The following EPHA6 variants were observed in gnomAD, a reference collection of about 807,000 sequenced individuals.
EPHA6 encodes ephrin type-A receptor 6.
In EPHA6, 50 loss-of-function variants were observed where a neutral mutation model predicts 112.0. The ratio of observed to expected loss-of-function variants is 0.45; its 90% CI spans 0.36 to 0.56. EPHA6 has a LOEUF of 0.56. Ranked by LOEUF, EPHA6 falls within the 20% of genes least tolerant of loss-of-function variation. The pLI, the probability that EPHA6 is intolerant of heterozygous loss-of-function variation, is 0.00. For missense variants in EPHA6, 1,280 were observed against 1,417.4 expected (o/e 0.90, Z 1.56); for synonymous variants, 529 against 490.7 (o/e 1.08, Z -1.03).
At chr3:97,050,785 A>G (rs1310239886) in intron 3 of EPHA6, among the ~76,000 whole-genome samples, 1 of 152,170 alleles carries the variant, frequency 6.6e-6, no homozygotes, top group Non-Finnish European at 1.5e-5. Flanking sequence ...AGGAGAAACT[A>G]AATAATTGCT....
At chr3:97,638,211 A>G in intron 14 of EPHA6, 129 bp downstream of exon 14, 2 of 684,070 alleles carry the variant, frequency 2.9e-6, no homozygotes, top group Non-Finnish European at 4.8e-6. Flanking sequence ...TGATATCATT[A>G]TTTAATTGAG....
At chr3:96,969,644 G>A (rs1295723077) in intron 2 of EPHA6, among the ~76,000 whole-genome samples, 6 of 151,922 alleles carry the variant, frequency 3.9e-5, no homozygotes, top group Non-Finnish European at 7.4e-5. Flanking sequence ...TTATTTCCAT[G>A]TTGCATATCT....
chr3:97,077,775 T>C (rs1327660468), intron 3 of EPHA6, among the ~76,000 whole-genome samples: 1 of 152,162 alleles, frequency 6.6e-6, no homozygotes, highest in Non-Finnish European at 1.5e-5. Context: ...TGCCACATTT[T>C]CTTAATCCAG....
At chr3:97,208,909 G>C (rs1314785876) in intron 3 of EPHA6, among the ~76,000 whole-genome samples, 1 of 152,104 alleles carries the variant, frequency 6.6e-6, no homozygotes, top group Admixed American at 6.6e-5. Flanking sequence ...AGATGGATTC[G>C]ATTAAAAAGC....
intron 1 of EPHA6, among the ~76,000 whole-genome samples, chr3:96,866,347 T>A (rs2036310112): frequency 6.6e-6 from 1 of 151,994 alleles, no homozygotes. Context: ...GTCAGTGCTT[T>A]AAAGATTATA....
intron 5 of EPHA6, among the ~76,000 whole-genome samples, chr3:97,369,904 C>A (rs1483589249): frequency 6.6e-6 from 1 of 152,118 alleles, no homozygotes; most frequent in African/African-American, 2.4e-5. Context: ...TCAAAGTTTT[C>A]AATCTTTTAT....
At chr3:97,581,583 A>G (rs900916498) in intron 11 of EPHA6, among the ~76,000 whole-genome samples, 1 of 152,260 alleles carries the variant, frequency 6.6e-6, no homozygotes, top group Non-Finnish European at 1.5e-5. Flanking sequence ...AGAAAGGTCT[A>G]TTTTGTGCCA....
intron 3 of EPHA6, among the ~76,000 whole-genome samples, chr3:97,167,953 C>T (rs1476784404): frequency 6.6e-6 from 1 of 151,752 alleles, no homozygotes; most frequent in African/African-American, 2.4e-5. Context: ...TTAGACTTTA[C>T]CTTTCTCTTT....
At chr3:97,251,900 CAAT>C (rs1297451548) in intron 5 of EPHA6, among the ~76,000 whole-genome samples, 5 of 152,230 alleles carry the variant, frequency 3.3e-5, no homozygotes, top group Admixed American at 1.3e-4. Context: ...CAACTTGGCA[CAAT>C]GTTTTTTGTT....
At chr3:97,319,694 A>T (rs1475210815) in intron 5 of EPHA6, among the ~76,000 whole-genome samples, 1 of 151,192 alleles carries the variant, frequency 6.6e-6, no homozygotes, top group African/African-American at 2.4e-5. Flanking sequence ...AAAACAAAAA[A>T]AAAACAACAC....
intron 14 of EPHA6, among the ~76,000 whole-genome samples, chr3:97,696,812 T>C (rs533375774): frequency 6.4e-4 from 97 of 152,308 alleles, no homozygotes; most frequent in African/African-American, 1.9e-3. Context: ...ATGAAGAAAC[T>C]GAGGCATAAA....
chr3:97,033,735 A>G (rs965727126), intron 3 of EPHA6, among the ~76,000 whole-genome samples: 4 of 151,956 alleles, frequency 2.6e-5, no homozygotes, highest in African/African-American at 9.7e-5. Context: ...TGTTCATTCT[A>G]TGGAAATGAA....
intron 1 of EPHA6, among the ~76,000 whole-genome samples, chr3:96,852,172 T>A (rs1407540513): frequency 1.3e-5 from 2 of 152,074 alleles, no homozygotes; most frequent in Non-Finnish European, 2.9e-5. Flanking sequence ...ATGCCTCTTT[T>A]TCTTAAGGTG....
intron 1 of EPHA6, among the ~76,000 whole-genome samples, chr3:96,825,717 G>A (rs1243811694): frequency 6.6e-6 from 1 of 151,808 alleles, no homozygotes; most frequent in African/African-American, 2.4e-5. Context: ...AAAATCAATA[G>A]CAGATTACCC....
At chr3:97,386,033 T>G (rs1559945300) in intron 5 of EPHA6, among the ~76,000 whole-genome samples, 1 of 152,070 alleles carries the variant, frequency 6.6e-6, no homozygotes, top group African/African-American at 2.4e-5. Flanking sequence ...CCTCAAAAAT[T>G]TCATGTCCTT....
chr3:97,160,782 C>T (rs1201075886), intron 3 of EPHA6, among the ~76,000 whole-genome samples: 1 of 152,120 alleles, frequency 6.6e-6, no homozygotes, highest in Non-Finnish European at 1.5e-5. Flanking sequence ...GGTTCACTGC[C>T]CAGAGTTCTG....
At chr3:97,176,345 G>C (rs1391430073) in intron 3 of EPHA6, among the ~76,000 whole-genome samples, 1 of 151,760 alleles carries the variant, frequency 6.6e-6, no homozygotes, top group Non-Finnish European at 1.5e-5. Context: ...CAGAGATATT[G>C]GCCTGTAGTT....
chr3:97,018,982 T>G (rs1038036371), intron 3 of EPHA6, among the ~76,000 whole-genome samples: 2 of 152,196 alleles, frequency 1.3e-5, no homozygotes, highest in African/African-American at 4.8e-5. Flanking sequence ...TCACACTGTC[T>G]TCTGGTCACT....
At chr3:96,866,375 T>C (rs571799707) in intron 1 of EPHA6, among the ~76,000 whole-genome samples, 1 of 152,018 alleles carries the variant, frequency 6.6e-6, no homozygotes, top group South Asian at 2.1e-4. Context: ...TCAAAATGAG[T>C]TTTTTTAATA....
Sources: allele counts gnomAD v4.1 joint callset (sites outside exome capture counted in the v4.1 genomes callset), GRCh38; gene constraint gnomAD v4.1.1; transcripts MANE v1.5; gene names NCBI Gene and HGNC (gene_info 2026-07-23, HGNC 2026-07-21).